The following MAN2A1 variants were observed in gnomAD, a reference collection of about 807,000 sequenced individuals.
The protein encoded by MAN2A1 is mannosidase alpha class 2A member 1.
A neutral mutation model predicts 142.6 loss-of-function variants in MAN2A1; 76 were observed. The ratio of observed to expected loss-of-function variants is 0.53; its 90% CI spans 0.44 to 0.65. MAN2A1 has a LOEUF of 0.65. MAN2A1 is among the 30% of genes least tolerant of loss of function. The pLI, the probability that MAN2A1 is intolerant of heterozygous loss-of-function variation, is 0.00. For synonymous variants in MAN2A1, 559 were observed against 473.2 expected (o/e 1.18, Z -2.35); for missense variants, 1,311 against 1,365.1 (o/e 0.96, Z 0.62).
chr5:109,737,471 T>A (rs1752137906), intron 4 of MAN2A1, among the ~76,000 whole-genome samples: 1 of 151,872 alleles, frequency 6.6e-6, no homozygotes, highest in East Asian at 1.9e-4. Flanking sequence ...TTACTTAATG[T>A]GTGATCAATG....
intron 5 of MAN2A1, among the ~76,000 whole-genome samples, chr5:109,760,997 TTTATGG>T (rs1752828020): frequency 6.6e-6 from 1 of 151,894 alleles, no homozygotes; most frequent in Non-Finnish European, 1.5e-5. Flanking sequence ...TTTTTACCAG[TTTATGG>T]TTATTCGTTT....
At chr5:109,819,968 GA>G (rs763804858) in intron 14 of MAN2A1, 81 bp downstream of exon 14, 52 of 1,047,898 alleles carry the variant, frequency 5.0e-5, no homozygotes, top group Non-Finnish European at 6.6e-5. Flanking sequence ...GGCAAAAGGG[GA>G]AAAAAGTCTT....
Position 109,806,231 on chromosome 5 carries a change from C to T in MAN2A1, c.1944-11042C>T, listed in dbSNP as rs74865115. ...GACTGCCTTACCCACTGAAGGGAGA[C>T]AGCAGGTCACCTTCCCTGTCTCTGA... On this transcript the variant is annotated intron_variant, in intron 12 of 21. Coordinates refer to ENST00000261483, the MANE Select transcript of MAN2A1 (RefSeq NM_002372.4). Among the ~76,000 whole-genome samples, 826 of 152,294 alleles carry T rather than the reference C, an allele frequency of 5.4e-3. 7 individuals carry two copies. Among genetic ancestry groups the T allele is most frequent in the Admixed American group, 9.2e-3 (140 of 15,300 alleles).
chr5:109,866,491 G>T (rs1218633918), intron 21 of MAN2A1, among the ~76,000 whole-genome samples: 1 of 152,042 alleles, frequency 6.6e-6, no homozygotes, highest in Non-Finnish European at 1.5e-5. Context: ...GCCATTGGAG[G>T]TCCTTTCTTT....
At chr5:109,829,184 A>G (rs1754838190) in intron 16 of MAN2A1, among the ~76,000 whole-genome samples, 1 of 152,196 alleles carries the variant, frequency 6.6e-6, no homozygotes, top group South Asian at 2.1e-4. Flanking sequence ...ATTTCAGTCT[A>G]CTTATATTAT....
chr5:109,744,479 A>C (rs947150001), intron 4 of MAN2A1, among the ~76,000 whole-genome samples: 2 of 152,084 alleles, frequency 1.3e-5, no homozygotes, highest in African/African-American at 4.8e-5. Flanking sequence ...AGACAGCAGC[A>C]GTTGGGGAGG....
chr5:109,764,786 A>C (rs147017936), intron 5 of MAN2A1, among the ~76,000 whole-genome samples: 215 of 152,238 alleles, frequency 1.4e-3, no homozygotes, highest in African/African-American at 4.9e-3. Flanking sequence ...ACTGATTTTT[A>C]TCTTTTTTTG....
At chr5:109,707,529 A>C (rs549452094) in intron 1 of MAN2A1, among the ~76,000 whole-genome samples, 1 of 152,200 alleles carries the variant, frequency 6.6e-6, no homozygotes, top group Non-Finnish European at 1.5e-5. Flanking sequence ...AGAGGGAAGC[A>C]ATACATGAAT....
intron 1 of MAN2A1, among the ~76,000 whole-genome samples, chr5:109,692,789 G>A (rs1396755264): frequency 4.3e-5 from 6 of 141,016 alleles, no homozygotes; most frequent in African/African-American, 1.6e-4. Context: ...TCCACAGACA[G>A]GGGTGGGGAT....
chr5:109,860,587 G>A (rs1194239440), intron 20 of MAN2A1, among the ~76,000 whole-genome samples: 1 of 152,200 alleles, frequency 6.6e-6, no homozygotes, highest in Non-Finnish European at 1.5e-5. Flanking sequence ...ACAAACGGTG[G>A]TTGCACACAT....
At chr5:109,760,297 C>T (rs1752807680) in intron 5 of MAN2A1, among the ~76,000 whole-genome samples, 2 of 152,104 alleles carry the variant, frequency 1.3e-5, no homozygotes, top group African/African-American at 4.8e-5. Flanking sequence ...CATTCATATC[C>T]CTGCAAAGAC....
chr5:109,837,763 A>ATGGTCTCTAGCCTTAGGGAACTTATATTC (rs1755095387), intron 16 of MAN2A1, among the ~76,000 whole-genome samples: 1 of 152,202 alleles, frequency 6.6e-6, no homozygotes, highest in Admixed American at 6.5e-5. Flanking sequence ...TAAATAAGAC[A>ATGGTCTCTAGCCTTAGGGAACTTATATTC]TGGTCTCTAG....
intron 1 of MAN2A1, among the ~76,000 whole-genome samples, chr5:109,707,035 G>C (rs952747870): frequency 6.6e-6 from 1 of 152,174 alleles, no homozygotes; most frequent in African/African-American, 2.4e-5. Context: ...CCAGGTTAGT[G>C]ATGGTAGTGA....
chr5:109,757,224 C>T lies in MAN2A1; in HGVS notation c.835+1768C>T, dbSNP rs147259084. ...AAGGTGGTCTTGGGGACCCTCTCTA[C>T]ACAATGCCCTTTTTCTTAAATACTT... On this transcript the variant is annotated intron_variant, in intron 5 of 21. Transcript: ENST00000261483. Among the ~76,000 whole-genome samples the T allele has an allele frequency of 3.7e-4, 56 of 152,260 alleles. No individual in the cohort carries two copies. In the East Asian group the frequency reaches 7.9e-3, roughly 22 times the overall value.
chr5:109,852,132 T>A (rs1386240106), intron 19 of MAN2A1, among the ~76,000 whole-genome samples: 1 of 124,246 alleles, frequency 8.0e-6, no homozygotes, highest in African/African-American at 3.1e-5. Flanking sequence ...TATTAAAGAG[T>A]TGGCTTAAAA....
At chr5:109,758,700 T>G (rs1172297200) in intron 5 of MAN2A1, among the ~76,000 whole-genome samples, 1 of 148,576 alleles carries the variant, frequency 6.7e-6, no homozygotes, top group Non-Finnish European at 1.5e-5. Context: ...AGTTAATATA[T>G]AATAGTTAAT....
At chr5:109,758,877 G>A (rs930580328) in intron 5 of MAN2A1, among the ~76,000 whole-genome samples, 11 of 151,586 alleles carry the variant, frequency 7.3e-5, no homozygotes, top group African/African-American at 2.7e-4. Context: ...AATTGTCCTG[G>A]CACACTTGTT....
intron 8 of MAN2A1, among the ~76,000 whole-genome samples, chr5:109,779,170 C>T (rs1753374888): frequency 6.6e-6 from 1 of 151,758 alleles, no homozygotes; most frequent in African/African-American, 2.4e-5. Flanking sequence ...ATTTTTCTAC[C>T]CTTAAAGATT....
intron 8 of MAN2A1, among the ~76,000 whole-genome samples, chr5:109,779,563 G>A (rs1297559561): frequency 2.3e-5 from 2 of 85,222 alleles, no homozygotes; most frequent in South Asian, 3.4e-4. Context: ...ACACACACGC[G>A]TGCACACACA....
Sources: gnomAD v4.1 joint callset for allele counts (sites outside exome capture counted in the v4.1 genomes callset) on GRCh38, gnomAD v4.1.1 for gene constraint, MANE v1.5 for transcripts, NCBI Gene and HGNC (gene_info 2026-07-23, HGNC 2026-07-21) for gene names.